The following DNAH11 variants were observed in gnomAD, a reference collection of about 807,000 sequenced individuals.
The protein encoded by DNAH11 is dynein axonemal heavy chain 11, also known as axonemal beta dynein heavy chain 11.
In DNAH11, 442 loss-of-function variants were observed where a neutral mutation model predicts 526.0. That is an observed-to-expected ratio of 0.84 (90% CI 0.78 to 0.91). The LOEUF (loss-of-function observed/expected upper bound fraction) is 0.91. DNAH11 is among the 40% of genes least tolerant of loss of function. The pLI is 0.00. For missense variants in DNAH11, 6,989 were observed against 5,448.7 expected (o/e 1.28, Z -8.90); for synonymous variants, 2,461 against 1,935.9 (o/e 1.27, Z -7.12).
intron 43 of DNAH11, among the ~76,000 whole-genome samples, chr7:21,719,483 G>A (rs938878881): frequency 3.9e-5 from 6 of 152,178 alleles, no homozygotes; most frequent in East Asian, 3.9e-4. Flanking sequence ...AGCAGATAGC[G>A]TCACGTTGAG....
At chr7:21,792,476 G>T (rs1045050697) in intron 61 of DNAH11, among the ~76,000 whole-genome samples, 2 of 152,154 alleles carry the variant, frequency 1.3e-5, no homozygotes, top group Admixed American at 6.5e-5. Flanking sequence ...AGTAGAATTG[G>T]TATTATTCAA....
chr7:21,858,624 A>G (rs1228458613), intron 68 of DNAH11, among the ~76,000 whole-genome samples: 1 of 152,228 alleles, frequency 6.6e-6, no homozygotes, highest in Non-Finnish European at 1.5e-5. Flanking sequence ...CGAGGAGTAT[A>G]TACCATATGA....
At chr7:21,795,813 A>T (rs1415591634) in intron 61 of DNAH11, among the ~76,000 whole-genome samples, 2 of 152,200 alleles carry the variant, frequency 1.3e-5, no homozygotes, top group Admixed American at 6.5e-5. Context: ...CTGGAGCACA[A>T]AGAATGGAGT....
intron 4 of DNAH11, among the ~76,000 whole-genome samples, chr7:21,560,042 T>C (rs1296709751): frequency 6.6e-6 from 1 of 152,188 alleles, no homozygotes; most frequent in Non-Finnish European, 1.5e-5. Flanking sequence ...AGAGCAGTAC[T>C]TACCCAGGGA....
intron 55 of DNAH11, among the ~76,000 whole-genome samples, chr7:21,767,513 A>G (rs1258965361): frequency 3.3e-5 from 5 of 152,184 alleles, no homozygotes; most frequent in African/African-American, 1.2e-4. Flanking sequence ...GGCTCCTGTC[A>G]GGTGCTAAGC....
chr7:21,770,435 A>T (rs1383928642), intron 55 of DNAH11, among the ~76,000 whole-genome samples: 1 of 152,198 alleles, frequency 6.6e-6, no homozygotes, highest in Non-Finnish European at 1.5e-5. Context: ...TTAAATTCAC[A>T]CTCAGAAAGT....
At chr7:21,741,019 C>T (rs982477793) in intron 48 of DNAH11, among the ~76,000 whole-genome samples, 6 of 152,084 alleles carry the variant, frequency 3.9e-5, no homozygotes, top group Admixed American at 1.3e-4. Context: ...TTTGTATCTT[C>T]TTCGGAGAAA....
In DNAH11 at chr7:21,615,102, T is replaced by C; in HGVS notation, c.3853-12T>C. 1 of 1,601,070 alleles carries C rather than the reference T, an allele frequency of 6.2e-7. No individual in the cohort carries two copies. The highest frequency in any genetic ancestry group is 8.5e-7 in the Non-Finnish European group (1 of 1,175,632). ...GGCAGTTTGTATGCAGGTGTTTATGTTCTCTCCTTAGGCAAATGAAGAGCT... is the reference window on the plus strand; with the variant it reads ...GGCAGTTTGTATGCAGGTGTTTATGCTCTCTCCTTAGGCAAATGAAGAGCT... On this transcript the variant is annotated splice_polypyrimidine_tract_variant and intron_variant, in intron 20 of 81. Transcript: ENST00000409508.
At chr7:21,615,422 G>T (rs1198982222) in intron 21 of DNAH11, 150 bp downstream of exon 21, 1 of 788,170 alleles carries the variant, frequency 1.3e-6, no homozygotes, top group East Asian at 3.0e-5. Context: ...TAGAGTTCAT[G>T]TATCTCTGTT....
At chr7:21,805,196 A>G (rs1205648006) in intron 62 of DNAH11, among the ~76,000 whole-genome samples, 4 of 152,312 alleles carry the variant, frequency 2.6e-5, no homozygotes, top group East Asian at 1.9e-4. Flanking sequence ...ACACATATGC[A>G]TCTCTATTTT....
chr7:21,859,869 GAAC>G lies in DNAH11; in HGVS notation c.11203-1965_11203-1963del, dbSNP rs371950882. Among the ~76,000 whole-genome samples the G allele has an allele frequency of 6.0e-3, 913 of 151,814 alleles. 8 individuals are homozygous for G. Among genetic ancestry groups the G allele is most frequent in the African/African-American group, 0.021 (862 of 41,414 alleles). ...CAAGGGGCATCCCGAAAGTACATGG[GAAC>G]AACAACAACAACAACAACGACAACA... is the stretch of plus-strand genomic sequence containing the variant. On this transcript the variant is annotated intron_variant, in intron 68 of 81. Coordinates refer to ENST00000409508, the MANE Select transcript of DNAH11 (RefSeq NM_001277115.2).
intron 57 of DNAH11, among the ~76,000 whole-genome samples, 160 bp from the exon 58 acceptor site, chr7:21,784,267 A>G (rs918654250): frequency 6.6e-6 from 1 of 152,222 alleles, no homozygotes; most frequent in African/African-American, 2.4e-5. Context: ...TATATATACT[A>G]TGTCTAAAGG....
At chr7:21,783,299 T>A (rs547949738) in intron 57 of DNAH11, among the ~76,000 whole-genome samples, 120 of 152,268 alleles carry the variant, frequency 7.9e-4, no homozygotes, top group African/African-American at 2.6e-3. Flanking sequence ...GAACCAATTA[T>A]GTTTATAAAA....
Position 21,872,123 on chromosome 7 carries a change from C to CAAAA in DNAH11, c.11968-1128_11968-1125dup, listed in dbSNP as rs776718319. 9.3e-3 allele frequency among the ~76,000 whole-genome samples: 286 copies of CAAAA among 30,818 alleles called. 50 individuals are homozygous for CAAAA. Among genetic ancestry groups the CAAAA allele is most frequent in the Non-Finnish European group, 0.013 (231 of 17,964 alleles). 20.2% of individuals were successfully genotyped at this position (30,818 alleles called of 152,430 possible). A position where few individuals can be genotyped will look rare whatever the true frequency, so the allele number is the denominator to read the frequency against. On this transcript the variant is annotated intron_variant, in intron 73 of 81. Transcript: ENST00000409508. Reference sequence around the variant, plus strand: ...TGGGTGACAGAGCGAGACTCTGTCTCAAAAAAAAAAAAAAAAAAAAAAAAA... The same window carrying CAAAA: ...TGGGTGACAGAGCGAGACTCTGTCTCAAAAAAAAAAAAAAAAAAAAAAAAAAAAA...
intron 20 of DNAH11, among the ~76,000 whole-genome samples, chr7:21,608,060 A>G (rs1444477290): frequency 6.7e-6 from 1 of 149,358 alleles, no homozygotes; most frequent in Admixed American, 6.7e-5. Context: ...TTTTTTAATC[A>G]GAAATTTTAA....
chr7:21,611,121 C>G (rs1206790104), intron 20 of DNAH11, among the ~76,000 whole-genome samples: 16 of 152,092 alleles, frequency 1.1e-4, no homozygotes. Flanking sequence ...TGCGGGTGGG[C>G]ATTGTCCAAT....
At chr7:21,691,178 CTTTTTTTTT>C (rs559356874) in intron 35 of DNAH11, among the ~76,000 whole-genome samples, 2 of 67,212 alleles carry the variant, frequency 3.0e-5, no homozygotes, top group African/African-American at 4.4e-4. Flanking sequence ...TTTTTTTTTT[CTTTTTTTTT>C]TTTTAACAGT....
At chr7:21,859,762 A>G (rs1039250743) in intron 68 of DNAH11, among the ~76,000 whole-genome samples, 5 of 152,152 alleles carry the variant, frequency 3.3e-5, no homozygotes, top group African/African-American at 1.2e-4. Flanking sequence ...GAGATATAGC[A>G]ATTCATACAA....
intron 68 of DNAH11, among the ~76,000 whole-genome samples, chr7:21,857,953 T>C (rs1355610733): frequency 6.6e-6 from 1 of 152,152 alleles, no homozygotes; most frequent in Non-Finnish European, 1.5e-5. Flanking sequence ...TAAAAGTTTA[T>C]GGTTTTCAAA....
Sources: gnomAD v4.1 joint callset for allele counts (sites outside exome capture counted in the v4.1 genomes callset) on GRCh38, gnomAD v4.1.1 for gene constraint, MANE v1.5 for transcripts, NCBI Gene and HGNC (gene_info 2026-07-23, HGNC 2026-07-21) for gene names.